CDH3: variants seen among roughly 807,000 people sequenced by gnomAD.
The protein encoded by CDH3 is cadherin 3.
A neutral mutation model predicts 82.0 loss-of-function variants in CDH3; 54 were observed. The ratio of observed to expected loss-of-function variants is 0.66; its 90% CI spans 0.53 to 0.83. The LOEUF (loss-of-function observed/expected upper bound fraction) is 0.83, where lower values mean the gene tolerates loss of function less well. Ranked by LOEUF, CDH3 falls within the 40% of genes least tolerant of loss-of-function variation. The pLI, the probability that CDH3 is intolerant of heterozygous loss-of-function variation, is 0.00. For missense variants in CDH3, 1,054 were observed against 1,084.6 expected, an observed-to-expected ratio of 0.97 and a Z score of 0.40; for synonymous variants, 446 against 437.9, an observed-to-expected ratio of 1.02 and a Z score of -0.23.
intron 8 of CDH3, 113 bp downstream of exon 8, chr16:68,681,209 G>A (rs1180116015): frequency 8.3e-7 from 1 of 1,203,144 alleles, no homozygotes; most frequent in Non-Finnish European, 1.2e-6. Context: ...TCAGCACTAT[G>A]GCTGTGTGAC....
downstream of CDH3, among the ~76,000 whole-genome samples, chr16:68,700,955 C>G (rs547575702): frequency 1.4e-4 from 21 of 152,270 alleles, 1 homozygote; most frequent in South Asian, 3.3e-3. Context: ...TGAGCTGGGG[C>G]CTCAGATTCC....
intron 2 of CDH3, among the ~76,000 whole-genome samples, chr16:68,666,353 G>T (rs1960732453): frequency 2.6e-5 from 4 of 152,106 alleles, no homozygotes; most frequent in Admixed American, 2.6e-4. Flanking sequence ...GGGGAAAAAG[G>T]CCTGGACACC....
chr16:68,731,423 CAT>C (rs1962289871), downstream of CDH3, among the ~76,000 whole-genome samples: 11 of 16,942 alleles, frequency 6.5e-4, 2 homozygotes, highest in African/African-American at 1.5e-3. Flanking sequence ...TACATATACA[CAT>C]ATATACACAT....
downstream of CDH3, among the ~76,000 whole-genome samples, chr16:68,704,373 G>T (rs1961935175): frequency 6.6e-6 from 1 of 152,240 alleles, no homozygotes; most frequent in African/African-American, 2.4e-5. Context: ...TACTGTTGTG[G>T]TAGTGTAGGG....
chr16:68,718,584 A>G (rs1192520854), intron 1 of CDH3, among the ~76,000 whole-genome samples: 1 of 152,124 alleles, frequency 6.6e-6, no homozygotes, highest in African/African-American at 2.4e-5. Context: ...CGGGAGGCTG[A>G]GACAACAAAA....
intron 2 of CDH3, among the ~76,000 whole-genome samples, chr16:68,654,713 A>AAAATAT (rs113117523): frequency 3.3e-5 from 3 of 91,128 alleles, no homozygotes; most frequent in African/African-American, 1.3e-4. Context: ...AAAAAAAAAA[A>AAAATAT]ATATATATAT....
At chr16:68,654,719 T>A (rs954079991) in intron 2 of CDH3, among the ~76,000 whole-genome samples, 2 of 137,518 alleles carry the variant, frequency 1.5e-5, no homozygotes, top group African/African-American at 5.5e-5. Context: ...AAAAAATATA[T>A]ATATATATAT....
Position 68,687,593 on chromosome 16 carries a change from G to A in CDH3, c.1652G>A (p.Arg551His), listed in dbSNP as rs779413254. 1.5e-5 allele frequency: 24 copies of A among 1,614,002 alleles called. No individual in the cohort carries two copies. The highest frequency in any genetic ancestry group is 6.7e-5 in the African/African-American group (5 of 74,910). Residue 551 changes from arginine (R) to histidine (H), a missense_variant, in exon 12 of 16, where the codon CGT becomes CAT. Coordinates refer to ENST00000264012, the MANE Select transcript of CDH3 (RefSeq NM_001793.6). ...GACCATGGCCCAGTCCCTGAGCCCC[G>A]TCAGATCACCATCTGCAACCAAAGC... ...VNDHGPVPEP[R>H]QITICNQSPV...
At chr16:68,658,091 G>C (rs1483056943) in intron 2 of CDH3, among the ~76,000 whole-genome samples, 1 of 145,664 alleles carries the variant, frequency 6.9e-6, no homozygotes, top group Non-Finnish European at 1.5e-5. Flanking sequence ...TTAGAGACAG[G>C]GTCTCACTAT....
intron 1 of CDH3, among the ~76,000 whole-genome samples, chr16:68,706,544 C>CT (rs34364461): frequency 0.15 from 12,105 of 81,706 alleles, 2,820 homozygotes; most frequent in Non-Finnish European, 0.18. Flanking sequence ...GTCACATTTC[C>CT]TTTTTTTTTT....
rs573023024 is a variant in CDH3 at position 68,696,221 on chromosome 16, C to T, written c.2280+298C>T. On this transcript the variant is annotated intron_variant, in intron 15 of 15. Coordinates refer to ENST00000264012, the MANE Select transcript of CDH3 (RefSeq NM_001793.6). ...GAATCATGAGGTCAGGAGTTCAAGA[C>T]CAGCCTGGCCAACATGGCGAAACCC... The T allele has an allele frequency of 2.8e-5, 11 of 397,570 alleles. No homozygotes were observed. The Admixed American group carries it at 3.3e-4, about 12-fold the overall frequency. 24.6% of individuals were successfully genotyped at this position (397,570 alleles called of 1,614,324 possible).
At position 68,651,907 on chromosome 16, in the gene CDH3, C is replaced by T. The variant is rs375394178; in HGVS notation, c.160+6157C>T. On this transcript the variant is annotated intron_variant, in intron 2 of 15. Transcript: ENST00000264012. ...CTGGACAGGAGCCGGTTCTTGACCT[C>T]GGCGGAGAGCCAGTATGAGGGGCCC... The T allele has an allele frequency of 4.6e-5, 19 of 409,514 alleles. 1 individual carries two copies. In the East Asian group the frequency reaches 5.5e-4, roughly 12 times the overall value. 25.4% of individuals were successfully genotyped at this position (409,514 alleles called of 1,614,324 possible).
chr16:68,678,066 AG>A, intron 3 of CDH3, 67 bp from the exon 4 acceptor site: 1 of 1,422,050 alleles, frequency 7.0e-7, no homozygotes, highest in Non-Finnish European at 9.9e-7. Flanking sequence ...TAACTCTTAT[AG>A]GTGAGAGGAT....
intron 12 of CDH3, among the ~76,000 whole-genome samples, chr16:68,690,051 A>G (rs1458233567): frequency 2.0e-5 from 3 of 152,144 alleles, no homozygotes; most frequent in African/African-American, 7.2e-5. Context: ...CGTCACCCAC[A>G]CACATAGCCC....
At chr16:68,680,458 C>A (rs1961186585) in intron 7 of CDH3, among the ~76,000 whole-genome samples, 1 of 152,156 alleles carries the variant, frequency 6.6e-6, no homozygotes, top group South Asian at 2.1e-4. Flanking sequence ...GCGGGAGGAT[C>A]ACTTGAGGTC....
chr16:68,695,535 C>T, intron 14 of CDH3, 150 bp downstream of exon 14: 1 of 902,434 alleles, frequency 1.1e-6, no homozygotes, highest in Non-Finnish European at 1.7e-6. Flanking sequence ...TCCAGCACTT[C>T]TCTGGTCCAT....
intron 1 of CDH3, among the ~76,000 whole-genome samples, chr16:68,712,670 C>A (rs934378621): frequency 3.3e-5 from 5 of 151,356 alleles, no homozygotes; most frequent in Admixed American, 6.6e-5. Context: ...AACTCAGGAC[C>A]TCTCAATTCC....
In CDH3 at chr16:68,707,925, C is replaced by T. The variant is rs115916578; in HGVS notation, c.99+12002C>T. Among the ~76,000 whole-genome samples, 971 of 152,118 alleles carry T rather than the reference C, an allele frequency of 6.4e-3. 19 individuals carry two copies. Among genetic ancestry groups the T allele is most frequent in the African/African-American group, 0.022 (905 of 41,510 alleles). The stretch of plus-strand genomic sequence containing the variant: ...ACTTCTGTCCCCACTGTTGTCCATC[C>T]GGTAAACCACGGCCAGCCCACAGCT... On this transcript the variant is annotated intron_variant, in intron 1 of 2. Coordinates refer to the CDH3 transcript ENST00000569080. This position sits in a 1 kb window ranked among gnomAD's most constrained non-coding sequence, Gnocchi z 4.5.
At chr16:68,696,000 C>A in intron 15 of CDH3, 77 bp downstream of exon 15, 1 of 1,510,266 alleles carries the variant, frequency 6.6e-7, no homozygotes, top group Non-Finnish European at 9.1e-7. Flanking sequence ...CAAGCATGGG[C>A]CTGGAGTCTT....
Sources: gnomAD v4.1 joint callset for allele counts (sites outside exome capture counted in the v4.1 genomes callset) on GRCh38, gnomAD v4.1.1 for gene constraint, Gnocchi (gnomAD v3.1) non-coding constraint, MANE v1.5 for transcripts, NCBI Gene and HGNC (gene_info 2026-07-23, HGNC 2026-07-21) for gene names.